PLPPR4: variants seen among roughly 807,000 people sequenced by gnomAD.
PLPPR4 encodes phospholipid phosphatase related 4.
Under a neutral mutation model 56.6 loss-of-function variants are expected in PLPPR4, and 24 were observed. That is an observed-to-expected ratio of 0.42 (90% CI 0.31 to 0.60). The LOEUF (loss-of-function observed/expected upper bound fraction) is 0.60. Ranked by LOEUF, PLPPR4 falls within the 20% of genes least tolerant of loss-of-function variation. The pLI, the probability that PLPPR4 is intolerant of heterozygous loss-of-function variation, is 0.13. For missense variants in PLPPR4, 654 were observed against 885.8 expected, an observed-to-expected ratio of 0.74 and a Z score of 3.32; for synonymous variants, 326 against 328.1, an observed-to-expected ratio of 0.99 and a Z score of 0.07.
chr1:99,302,994 A>T (rs1006671687), intron 6 of PLPPR4, among the ~76,000 whole-genome samples: 7 of 152,104 alleles, frequency 4.6e-5, no homozygotes, highest in Non-Finnish European at 1.0e-4. Flanking sequence ...GACTAACATA[A>T]ATATAAATGG....
At chr1:99,301,586 C>T in intron 5 of PLPPR4, 138 bp from the exon 6 acceptor site, 1 of 520,060 alleles carries the variant, frequency 1.9e-6, no homozygotes, top group South Asian at 3.9e-5. Flanking sequence ...TTGGCAGGCA[C>T]AGAACATAGC....
intron 1 of PLPPR4, among the ~76,000 whole-genome samples, chr1:99,285,670 T>C (rs541997606): frequency 6.6e-6 from 1 of 152,258 alleles, no homozygotes; most frequent in African/African-American, 2.4e-5. Context: ...AAAAGACCTC[T>C]TGGGAATAGA....
chr1:99,283,386 TATC>T (rs1237649811), intron 1 of PLPPR4, among the ~76,000 whole-genome samples: 3 of 152,174 alleles, frequency 2.0e-5, no homozygotes, highest in Non-Finnish European at 4.4e-5. Flanking sequence ...CTAGATAAAA[TATC>T]ATGATAGTTT....
chr1:99,297,001 T>C, intron 3 of PLPPR4, 134 bp downstream of exon 3: 1 of 943,744 alleles, frequency 1.1e-6, no homozygotes, highest in Non-Finnish European at 1.4e-6. Flanking sequence ...TTTTATATTG[T>C]ACAAGAAACT....
At chr1:99,267,915 C>T (rs993105391) in intron 1 of PLPPR4, among the ~76,000 whole-genome samples, 2 of 152,232 alleles carry the variant, frequency 1.3e-5, no homozygotes, top group Non-Finnish European at 2.9e-5. Context: ...AAATGCTTTA[C>T]ATCCACCATG....
chr1:99,302,778 C>A (rs1487581356), intron 6 of PLPPR4, among the ~76,000 whole-genome samples: 1 of 148,554 alleles, frequency 6.7e-6, no homozygotes, highest in East Asian at 2.0e-4. Flanking sequence ...GGTTTTTTAT[C>A]TTTGTGATAG....
intron 2 of PLPPR4, among the ~76,000 whole-genome samples, chr1:99,292,627 C>G (rs7555094): frequency 6.6e-6 from 1 of 152,120 alleles, no homozygotes; most frequent in Non-Finnish European, 1.5e-5. Flanking sequence ...CAGGATACTC[C>G]AAGATGACAG....
At position 99,287,985 on chromosome 1, in the gene PLPPR4, G is replaced by A. The variant is rs1274911765; in HGVS notation, c.99G>A (p.Ser33=). 6.2e-6 allele frequency: 10 copies of A among 1,613,086 alleles called. No individual in the cohort carries two copies. The highest frequency in any genetic ancestry group is 1.1e-5 in the South Asian group (1 of 90,950). ...YFVELPILAS[S]VVSLYFLELT... ...CTTAGTTGCCTATATTGGCATCATC[G>A]GTGGTTAGCCTCTATTTCCTCGAAC... The change falls in exon 2 of 7, where the codon TCG becomes TCA. Residue 33 remains serine, a synonymous_variant. Transcript: ENST00000370185.
chr1:99,305,581 T>C (rs1156945553), intron 6 of PLPPR4, 104 bp from the exon 7 acceptor site: 2 of 1,039,456 alleles, frequency 1.9e-6, no homozygotes, highest in Non-Finnish European at 2.9e-6. Context: ...GTCAATGGTG[T>C]ATAGGAAGCA....
At chr1:99,278,163 G>A (rs1404784576) in intron 1 of PLPPR4, among the ~76,000 whole-genome samples, 1 of 152,092 alleles carries the variant, frequency 6.6e-6, no homozygotes, top group African/African-American at 2.4e-5. Context: ...GGAAGAGGTA[G>A]AATACAGTAA....
chr1:99,268,518 A>G (rs1658965376), intron 1 of PLPPR4, among the ~76,000 whole-genome samples: 1 of 152,224 alleles, frequency 6.6e-6, no homozygotes, highest in Admixed American at 6.5e-5. Context: ...TAAAGCACAC[A>G]TTAGTTGAAG....
intron 3 of PLPPR4, among the ~76,000 whole-genome samples, chr1:99,298,420 A>T (rs1279419024): frequency 2.0e-5 from 3 of 152,142 alleles, no homozygotes; most frequent in African/African-American, 7.2e-5. Context: ...AAACAGAAAA[A>T]ATAATTTGGA....
upstream of PLPPR4, among the ~76,000 whole-genome samples, chr1:99,263,204 T>C (rs1395657207): frequency 2.6e-5 from 4 of 151,976 alleles, no homozygotes; most frequent in Non-Finnish European, 5.9e-5. Context: ...CATCATGCGG[T>C]TGTGTGTTTT....
chr1:99,269,288 G>C (rs1225649040), intron 1 of PLPPR4, among the ~76,000 whole-genome samples: 1 of 152,200 alleles, frequency 6.6e-6, no homozygotes, highest in Non-Finnish European at 1.5e-5. Context: ...GTATTCCATG[G>C]TGAATGTGTG....
rs115649013 is a variant in PLPPR4 at position 99,274,627 on chromosome 1, G to A, written c.78+9956G>A. ...TTCCTGCTCATTTTTATAGATAGAG[G>A]GACATATGCACACACTCACAAAATA... On this transcript the variant is annotated intron_variant, in intron 1 of 6. Transcript: ENST00000370185. Among the ~76,000 whole-genome samples, 492 of 152,032 alleles carry A rather than the reference G, an allele frequency of 3.2e-3. 2 individuals are homozygous for A. The highest frequency in any genetic ancestry group is 0.011 in the African/African-American group (461 of 41,480).
intron 2 of PLPPR4, among the ~76,000 whole-genome samples, chr1:99,288,549 C>G (rs1439935886): frequency 2.0e-5 from 3 of 152,062 alleles, no homozygotes; most frequent in Non-Finnish European, 4.4e-5. Context: ...TTTGCTATCA[C>G]TCACAGTTTT....
rs1158465692 is a variant in PLPPR4 at position 99,296,887 on chromosome 1, A to G, written c.394+20A>G. ...TCGTTGGTGGGTGTGGGGAACCACA[A>G]AGAAAAGAAATGCTTTTTTTTTTAT... On this transcript the variant is annotated intron_variant, in intron 3 of 6. Transcript: ENST00000370185. 1 of 1,514,848 alleles carries G rather than the reference A, an allele frequency of 6.6e-7. No individual in the cohort carries two copies. The highest frequency in any genetic ancestry group is 1.3e-5 in the South Asian group (1 of 75,266). The allele number at this position is 1,514,848 out of a possible 1,614,324, so 93.8% of individuals were successfully genotyped here. A position where few individuals can be genotyped will look rare whatever the true frequency, so the allele number is the denominator to read the frequency against.
At chr1:99,297,718 A>G (rs1659777711) in intron 3 of PLPPR4, among the ~76,000 whole-genome samples, 1 of 152,158 alleles carries the variant, frequency 6.6e-6, no homozygotes, top group African/African-American at 2.4e-5. Flanking sequence ...ACTCTGCTCC[A>G]CTAAGCATTT....
intron 2 of PLPPR4, among the ~76,000 whole-genome samples, chr1:99,288,661 C>T (rs1570916287): frequency 7.1e-6 from 1 of 141,440 alleles, no homozygotes; most frequent in African/African-American, 2.5e-5. Context: ...TGCACACATA[C>T]ACATACATAC....
Sources: gnomAD v4.1 joint callset for allele counts (sites outside exome capture counted in the v4.1 genomes callset) on GRCh38, gnomAD v4.1.1 for gene constraint, MANE v1.5 for transcripts, NCBI Gene and HGNC (gene_info 2026-07-23, HGNC 2026-07-21) for gene names.